Variants in TIAM1 observed in about 807,000 individuals in gnomAD.
TIAM1 encodes the protein TIAM Rac1 associated GEF 1.
In TIAM1, 65 loss-of-function variants were observed where a neutral mutation model predicts 163.5. The ratio of observed to expected loss-of-function variants is 0.40; its 90% CI spans 0.33 to 0.49. TIAM1 has a LOEUF of 0.49. Among genes scored for constraint, TIAM1 ranks in the 20% least tolerant of loss-of-function variants. The pLI, the probability that TIAM1 is intolerant of heterozygous loss-of-function variation, is 0.77. For synonymous variants in TIAM1, 833 were observed against 810.1 expected (o/e 1.03, Z -0.48); for missense variants, 1,789 against 2,044.7 (o/e 0.87, Z 2.41).
chr21:31,540,287 A>G (rs1601030508), intron 1 of TIAM1, among the ~76,000 whole-genome samples: 1 of 151,996 alleles, frequency 6.6e-6, no homozygotes, highest in South Asian at 2.1e-4. Flanking sequence ...TGGGAGGCTG[A>G]GGCAGGAGAA....
At chr21:31,165,649 G>A (rs965511360) in intron 15 of TIAM1, among the ~76,000 whole-genome samples, 1 of 151,884 alleles carries the variant, frequency 6.6e-6, no homozygotes, top group Admixed American at 6.6e-5. Flanking sequence ...TGTTACAACA[G>A]CCTAAGTTAA....
In TIAM1 at chr21:31,252,209, A is replaced by G; in HGVS notation, c.964-20T>C. 6.3e-7 allele frequency: 1 copy of G among 1,593,392 alleles called. No individual in the cohort carries two copies. Among genetic ancestry groups the G allele is most frequent in the African/African-American group, 1.3e-5 (1 of 74,804 alleles). ...AACATCCTTGGGAGCAGAAAGAGAG[A>G]GCAAAGAAGACAAGCGTCACGTGGA... On this transcript the variant is annotated intron_variant, in intron 4 of 27. Transcript: ENST00000541036.
chr21:31,202,094 A>C (rs183842674), intron 12 of TIAM1, among the ~76,000 whole-genome samples: 1 of 152,260 alleles, frequency 6.6e-6, no homozygotes, highest in East Asian at 1.9e-4. Context: ...TGTCCCCGAG[A>C]AGCTATATAA....
At chr21:31,464,146 ACT>A (rs1236626589) in intron 1 of TIAM1, 1 of 152,142 alleles carries the variant, frequency 6.6e-6, no homozygotes. Flanking sequence ...CATTTATAAA[ACT>A]CTACCAGAGG....
chr21:31,190,294 C>T (rs1410622741), intron 13 of TIAM1, among the ~76,000 whole-genome samples: 1 of 151,898 alleles, frequency 6.6e-6, no homozygotes, highest in African/African-American at 2.4e-5. Context: ...CCTTGTAGTC[C>T]CAGCTACTTG....
chr21:31,453,143 T>G (rs2044936275), intron 2 of TIAM1: 1 of 299,684 alleles, frequency 3.3e-6, no homozygotes, highest in Non-Finnish European at 6.7e-6. Context: ...AAAAAGTGTT[T>G]GAAGACTGAA....
chr21:31,281,085 CAAAAAAAA>C (rs748020575), intron 2 of TIAM1, among the ~76,000 whole-genome samples: 7 of 63,756 alleles, frequency 1.1e-4, no homozygotes, highest in African/African-American at 4.1e-4. Context: ...GACCCTAACT[CAAAAAAAA>C]AAAAAAAAAA....
intron 12 of TIAM1, among the ~76,000 whole-genome samples, chr21:31,202,220 C>T (rs781145833): frequency 3.3e-5 from 5 of 152,022 alleles, no homozygotes; most frequent in Non-Finnish European, 5.9e-5. Flanking sequence ...GCACTGTTTT[C>T]TGTAACAACA....
intron 15 of TIAM1, among the ~76,000 whole-genome samples, chr21:31,167,088 C>CTTTT (rs72031739): frequency 1.4e-4 from 18 of 125,108 alleles, no homozygotes; most frequent in African/African-American, 4.3e-4. Context: ...AAAGGATTTC[C>CTTTT]TTTTTTTTTT....
intron 11 of TIAM1, among the ~76,000 whole-genome samples, chr21:31,207,734 T>C (rs1186807440): frequency 6.6e-6 from 1 of 152,184 alleles, no homozygotes; most frequent in African/African-American, 2.4e-5. Flanking sequence ...TCTTCCAGTT[T>C]TAAACTCATG....
chr21:31,396,201 T>C (rs910553086), intron 2 of TIAM1, among the ~76,000 whole-genome samples: 1 of 152,250 alleles, frequency 6.6e-6, no homozygotes, highest in Non-Finnish European at 1.5e-5. Context: ...GTTCAACTTA[T>C]GCCGATTCCT....
chr21:31,393,839 G>C (rs981846968), intron 2 of TIAM1, among the ~76,000 whole-genome samples: 5 of 152,076 alleles, frequency 3.3e-5, no homozygotes, highest in African/African-American at 1.2e-4. Context: ...CATATGGCCT[G>C]CATTTCCAGG....
intron 2 of TIAM1, among the ~76,000 whole-genome samples, chr21:31,423,525 A>G (rs2043659708): frequency 6.6e-6 from 1 of 151,944 alleles, no homozygotes. Flanking sequence ...CTTGTGATTA[A>G]TATCAGCATA....
intron 6 of TIAM1, among the ~76,000 whole-genome samples, chr21:31,237,491 T>G (rs1394215392): frequency 1.3e-5 from 2 of 152,224 alleles, no homozygotes; most frequent in Admixed American, 6.5e-5. Context: ...TCTTTTTTTC[T>G]TTATTACTAA....
intron 6 of TIAM1, among the ~76,000 whole-genome samples, chr21:31,229,482 A>T (rs2088271847): frequency 6.6e-6 from 1 of 152,152 alleles, no homozygotes; most frequent in African/African-American, 2.4e-5. Flanking sequence ...CTACAAAGGA[A>T]GTTCCAAAAA....
chr21:31,131,083 C>A, intron 23 of TIAM1, 135 bp from the exon 24 acceptor site: 1 of 649,056 alleles, frequency 1.5e-6, no homozygotes, highest in Non-Finnish European at 2.7e-6. Flanking sequence ...TCCCACCCAC[C>A]TTCCATTCAT....
intron 2 of TIAM1, among the ~76,000 whole-genome samples, chr21:31,385,062 T>C (rs367555020): frequency 2.0e-5 from 3 of 152,288 alleles, no homozygotes; most frequent in East Asian, 1.9e-4. Flanking sequence ...CTTCATGCTG[T>C]CTTTTTTTGT....
At chr21:31,338,617 G>A (rs944436652) in intron 2 of TIAM1, among the ~76,000 whole-genome samples, 2 of 152,144 alleles carry the variant, frequency 1.3e-5, no homozygotes, top group African/African-American at 4.8e-5. Flanking sequence ...TTCCCTAGAA[G>A]GGGTCTGTGC....
chr21:31,313,243 T>C (rs1330713319), intron 2 of TIAM1, among the ~76,000 whole-genome samples: 1 of 152,234 alleles, frequency 6.6e-6, no homozygotes, highest in Non-Finnish European at 1.5e-5. Context: ...ATTCAGTATG[T>C]TTCTTTCCTT....
Sources: gnomAD v4.1 joint callset for allele counts (sites outside exome capture counted in the v4.1 genomes callset) on GRCh38, gnomAD v4.1.1 for gene constraint, MANE v1.5 for transcripts, NCBI Gene and HGNC (gene_info 2026-07-23, HGNC 2026-07-21) for gene names.